Variants in HPSE2 observed in about 807,000 individuals in gnomAD.
The protein encoded by HPSE2 is heparanase 2 (inactive), also known as inactive heparanase-2.
HPSE2 carries 38 observed loss-of-function variants against 60.5 expected under a neutral mutation model. That is an observed-to-expected ratio of 0.63 (90% CI 0.48 to 0.82). The LOEUF (loss-of-function observed/expected upper bound fraction) is 0.82. Ranked by LOEUF, HPSE2 falls within the 40% of genes least tolerant of loss-of-function variation. The probability of loss-of-function intolerance (pLI) is 0.00; values close to 1 mark genes in which losing one functional copy is unlikely to be tolerated. For synonymous variants in HPSE2, 295 were observed against 293.2 expected, an observed-to-expected ratio of 1.01 and a Z score of -0.06; for missense variants, 713 against 740.4, an observed-to-expected ratio of 0.96 and a Z score of 0.43.
At chr10:99,192,720 G>C (rs548059274) in intron 2 of HPSE2, among the ~76,000 whole-genome samples, 1 of 152,218 alleles carries the variant, frequency 6.6e-6, no homozygotes, top group South Asian at 2.1e-4. Flanking sequence ...ATGAGCTACT[G>C]TGCCTGGGCA....
intron 6 of HPSE2, among the ~76,000 whole-genome samples, chr10:98,647,666 C>G (rs1172304886): frequency 6.6e-6 from 1 of 152,190 alleles, no homozygotes; most frequent in Non-Finnish European, 1.5e-5. Flanking sequence ...AGTATTTAGG[C>G]TTTATAAATT....
At chr10:98,539,676 C>CT (rs956015378) in intron 9 of HPSE2, among the ~76,000 whole-genome samples, 2 of 152,068 alleles carry the variant, frequency 1.3e-5, no homozygotes, top group Non-Finnish European at 2.9e-5. Flanking sequence ...GTATCTCCTT[C>CT]TTTTTTTTGT....
intron 2 of HPSE2, among the ~76,000 whole-genome samples, chr10:99,203,521 C>T (rs1343902429): frequency 6.6e-6 from 1 of 150,376 alleles, no homozygotes; most frequent in Non-Finnish European, 1.5e-5. Flanking sequence ...CCAATCCCTG[C>T]AGCCCCATAC....
the HPSE2 span, among the ~76,000 whole-genome samples, chr10:99,268,467 C>T: frequency 6.6e-6 from 1 of 151,642 alleles, no homozygotes; most frequent in African/African-American, 2.4e-5. Context: ...CATGGTGAAA[C>T]CCCGTCTCAA....
chr10:98,830,148 C>G lies in HPSE2; in HGVS notation c.611-86092G>C, dbSNP rs184220340. 1.1e-3 allele frequency among the ~76,000 whole-genome samples: 172 copies of G among 152,246 alleles called. 3 individuals carry two copies. Among genetic ancestry groups the G allele is most frequent in the African/African-American group, 3.9e-3 (160 of 41,546 alleles). On this transcript the variant is annotated intron_variant, in intron 3 of 11. Transcript: ENST00000370552. The stretch of plus-strand genomic sequence containing the variant: ...TTCAATCAGACAGTCAGGTGTTAGT[C>G]CATAAATACTATTGCCTACTATGTT...
intron 2 of HPSE2, among the ~76,000 whole-genome samples, chr10:99,181,491 T>C (rs1353962858): frequency 6.7e-6 from 1 of 148,756 alleles, no homozygotes; most frequent in Non-Finnish European, 1.5e-5. Context: ...AAAACGCCCA[T>C]CAATGATAGA....
intron 9 of HPSE2, among the ~76,000 whole-genome samples, chr10:98,570,071 A>G (rs1944451986): frequency 6.6e-6 from 1 of 151,434 alleles, no homozygotes; most frequent in African/African-American, 2.4e-5. Context: ...CAACATTTCC[A>G]CTCTATTCTG....
chr10:98,902,752 T>C (rs1223326587), intron 3 of HPSE2, among the ~76,000 whole-genome samples: 2 of 152,158 alleles, frequency 1.3e-5, no homozygotes, highest in Non-Finnish European at 2.9e-5. Context: ...TAATAAATTT[T>C]AGTTAATGAT....
At chr10:99,049,027 T>C (rs1024888778) in intron 3 of HPSE2, among the ~76,000 whole-genome samples, 2 of 152,066 alleles carry the variant, frequency 1.3e-5, no homozygotes, top group African/African-American at 4.8e-5. Context: ...GAGCTAAACA[T>C]TGAGCACACA....
At position 99,015,160 on chromosome 10, in the gene HPSE2, A is replaced by G. The variant is rs1957110621; in HGVS notation, c.610+129078T>C. On this transcript the variant is annotated intron_variant, in intron 3 of 11. Coordinates refer to ENST00000370552, the MANE Select transcript of HPSE2 (RefSeq NM_021828.5). Reference sequence around the variant, plus strand: ...TTAGAATGGCAATCATTAAAAAGTCAGGAAACAACAGGTGCTGGAGAGGAT... The same window carrying G: ...TTAGAATGGCAATCATTAAAAAGTCGGGAAACAACAGGTGCTGGAGAGGAT... Among the ~76,000 whole-genome samples the G allele has an allele frequency of 3.3e-5, 5 of 151,764 alleles. 1 individual carries two copies. The South Asian group carries it at 1.0e-3, about 32-fold the overall frequency.
At chr10:98,759,288 C>G (rs1399384599) in intron 3 of HPSE2, among the ~76,000 whole-genome samples, 1 of 152,004 alleles carries the variant, frequency 6.6e-6, no homozygotes, top group Non-Finnish European at 1.5e-5. Flanking sequence ...ACTCATGACA[C>G]ACAATTTACC....
the HPSE2 span, among the ~76,000 whole-genome samples, chr10:99,305,959 ACACGCGCGCG>A: frequency 9.1e-4 from 27 of 29,700 alleles, no homozygotes; most frequent in East Asian, 5.1e-3. Context: ...AAACTCACAC[ACACGCGCGCG>A]CGCGCGCGCG....
At chr10:98,643,387 T>C (rs900738404) in intron 6 of HPSE2, among the ~76,000 whole-genome samples, 4 of 152,222 alleles carry the variant, frequency 2.6e-5, no homozygotes, top group Non-Finnish European at 5.9e-5. Context: ...GATGGGATTA[T>C]AAACAATAGG....
At chr10:99,227,620 C>T (rs1335818469) in intron 2 of HPSE2, among the ~76,000 whole-genome samples, 9 of 151,746 alleles carry the variant, frequency 5.9e-5, no homozygotes, top group Non-Finnish European at 2.9e-5. Flanking sequence ...TACCTTCAGT[C>T]ATTTCTCCAC....
intron 2 of HPSE2, among the ~76,000 whole-genome samples, chr10:99,184,827 G>T (rs1222879900): frequency 0.079 from 3,086 of 39,006 alleles, 320 homozygotes; most frequent in Non-Finnish European, 0.12. Flanking sequence ...TATAGAGAGA[G>T]AGAGAGAGAG....
At chr10:99,161,649 A>G (rs969024544) in intron 2 of HPSE2, among the ~76,000 whole-genome samples, 1 of 152,198 alleles carries the variant, frequency 6.6e-6, no homozygotes, top group Non-Finnish European at 1.5e-5. Flanking sequence ...ATTAAACTAC[A>G]TACTTGTAAT....
At chr10:98,905,797 CA>C (rs1735151704) in intron 3 of HPSE2, among the ~76,000 whole-genome samples, 1 of 152,176 alleles carries the variant, frequency 6.6e-6, no homozygotes, top group South Asian at 2.1e-4. Context: ...CACAAGGACA[CA>C]AACTGAAGAA....
chr10:98,724,406 AGGTGT>A (rs1281162188), intron 4 of HPSE2, among the ~76,000 whole-genome samples: 1 of 152,160 alleles, frequency 6.6e-6, no homozygotes, highest in African/African-American at 2.4e-5. Flanking sequence ...ATTTTGGAAT[AGGTGT>A]GGTGTGGTGC....
chr10:98,580,836 A>ATATATATATATATATATATATGTGTGTG, intron 9 of HPSE2, among the ~76,000 whole-genome samples: 9 of 119,526 alleles, frequency 7.5e-5, no homozygotes, highest in African/African-American at 2.9e-4. Context: ...ATATATATAT[A>ATATATATATATATATATATATGTGTGTG]TGTGTGTGTG....
Sources: allele counts gnomAD v4.1 joint callset (sites outside exome capture counted in the v4.1 genomes callset), GRCh38; gene constraint gnomAD v4.1.1; transcripts MANE v1.5; gene names NCBI Gene and HGNC (gene_info 2026-07-23, HGNC 2026-07-21).